Variants in MYT1L observed in about 807,000 individuals in gnomAD.
MYT1L encodes myelin transcription factor 1-like protein.
Under a neutral mutation model 126.7 loss-of-function variants are expected in MYT1L, and 12 were observed. The observed-to-expected ratio is 0.09, with a 90% CI of 0.06 to 0.15. The LOEUF (loss-of-function observed/expected upper bound fraction) is 0.15, where lower values mean the gene tolerates loss of function less well. Among genes scored for constraint, MYT1L ranks in the 10% least tolerant of loss-of-function variants. The pLI is 1.00. For missense variants in MYT1L, 979 were observed against 1,585.2 expected, an observed-to-expected ratio of 0.62 and a Z score of 6.49; for synonymous variants, 541 against 604.2, an observed-to-expected ratio of 0.90 and a Z score of 1.53.
intron 2 of MYT1L, among the ~76,000 whole-genome samples, chr2:2,227,442 A>G (rs770583704): frequency 6.6e-6 from 1 of 152,110 alleles, no homozygotes; most frequent in Admixed American, 6.5e-5. Flanking sequence ...CAGCTGCCAA[A>G]CCAGAAAGGT....
At position 1,938,590 on chromosome 2, in the gene MYT1L, G is replaced by A. The variant is rs79885412; in HGVS notation, c.505+4392C>T. Among the ~76,000 whole-genome samples the A allele has an allele frequency of 2.7e-3, 408 of 152,286 alleles. 12 individuals carry two copies. Among genetic ancestry groups the A allele is most frequent in the East Asian group, 0.013 (66 of 5,180 alleles). On this transcript the variant is annotated intron_variant, in intron 9 of 24. Transcript: ENST00000647738. Reference sequence around the variant, plus strand: ...CCTGTTGTTCAAATAAGCAGAAGGTGATCAGGAGAACACGAGTTCCATTAC... The same window carrying A: ...CCTGTTGTTCAAATAAGCAGAAGGTAATCAGGAGAACACGAGTTCCATTAC...
In MYT1L at chr2:1,790,313, G is replaced by A. The variant is rs2031840842; in HGVS notation, c.*1554C>T. 1 of 152,170 alleles carries A rather than the reference G, an allele frequency of 6.6e-6. No individual in the cohort carries two copies. Among genetic ancestry groups the A allele is most frequent in the South Asian group, 2.1e-4 (1 of 4,814 alleles). 9.4% of individuals were successfully genotyped at this position (152,170 alleles called of 1,614,324 possible). A position where few individuals can be genotyped will look rare whatever the true frequency, so the allele number is the denominator to read the frequency against. Reference sequence around the variant, plus strand: ...CCTGCATAACATCAAGACATGGAAGGAAGAGATGCTACTAAATGGAACTCA... The same window carrying A: ...CCTGCATAACATCAAGACATGGAAGAAAGAGATGCTACTAAATGGAACTCA... On this transcript the variant is annotated 3_prime_UTR_variant, in exon 25 of 25. Coordinates refer to ENST00000647738, the MANE Select transcript of MYT1L (RefSeq NM_001303052.2).
intron 3 of MYT1L, among the ~76,000 whole-genome samples, chr2:2,134,129 C>T (rs1010333840): frequency 7.9e-5 from 12 of 152,272 alleles, no homozygotes; most frequent in Non-Finnish European, 1.5e-4. Flanking sequence ...CATTTGCCCT[C>T]GAGTGCACCC....
intron 18 of MYT1L, among the ~76,000 whole-genome samples, chr2:1,867,230 C>T (rs867298929): frequency 6.6e-6 from 1 of 151,950 alleles, no homozygotes; most frequent in African/African-American, 2.4e-5. Context: ...GTCAGGGAGA[C>T]CTTGGGCGAA....
chr2:2,260,054 C>G (rs993119199), intron 2 of MYT1L, among the ~76,000 whole-genome samples: 1 of 152,170 alleles, frequency 6.6e-6, no homozygotes, highest in Non-Finnish European at 1.5e-5. Context: ...CGTGGCCTGG[C>G]TCCCTCTAAA....
intron 4 of MYT1L, among the ~76,000 whole-genome samples, chr2:2,020,570 T>C (rs1302079045): frequency 1.3e-5 from 2 of 152,248 alleles, no homozygotes; most frequent in East Asian, 3.8e-4. Flanking sequence ...ATGATGTAGC[T>C]ATTTCCTTCA....
intron 5 of MYT1L, among the ~76,000 whole-genome samples, chr2:1,987,389 T>G (rs2061119522): frequency 9.7e-6 from 1 of 102,652 alleles, no homozygotes; most frequent in East Asian, 2.5e-4. Context: ...TTGCTCTAAA[T>G]TTCTCTTGGC....
chr2:2,323,233 AT>A (rs2096200668), intron 1 of MYT1L, among the ~76,000 whole-genome samples: 1 of 152,048 alleles, frequency 6.6e-6, no homozygotes, highest in South Asian at 2.1e-4. Flanking sequence ...TAAACAGAAA[AT>A]TTTCCCCTCC....
At chr2:1,803,485 C>T (rs1050487763) in intron 22 of MYT1L, among the ~76,000 whole-genome samples, 15 of 152,232 alleles carry the variant, frequency 9.9e-5, no homozygotes, top group East Asian at 5.8e-4. Context: ...GCCTATCAGG[C>T]TTTGTTATCT....
At chr2:2,175,764 T>C (rs1310123919) in intron 2 of MYT1L, among the ~76,000 whole-genome samples, 1 of 152,216 alleles carries the variant, frequency 6.6e-6, no homozygotes, top group Admixed American at 6.5e-5. Flanking sequence ...TTGGGATCCA[T>C]AATGGCTGGA....
intron 21 of MYT1L, among the ~76,000 whole-genome samples, chr2:1,836,639 G>A (rs1448136121): frequency 2.0e-5 from 3 of 147,300 alleles, no homozygotes. Flanking sequence ...AATTCCATCA[G>A]CCTGGCCCCA....
At chr2:2,263,552 G>A (rs1399250094) in intron 2 of MYT1L, among the ~76,000 whole-genome samples, 1 of 152,122 alleles carries the variant, frequency 6.6e-6, no homozygotes, top group Non-Finnish European at 1.5e-5. Context: ...AGCATAACTG[G>A]TGCTGGGGTT....
chr2:1,812,948 T>A (rs1442139940), intron 21 of MYT1L, among the ~76,000 whole-genome samples: 1 of 140,296 alleles, frequency 7.1e-6, no homozygotes, highest in Non-Finnish European at 1.5e-5. Flanking sequence ...AGGGCTGGGG[T>A]GAGGGCCTCC....
intron 2 of MYT1L, among the ~76,000 whole-genome samples, chr2:2,273,448 T>C (rs1314412234): frequency 6.6e-6 from 1 of 152,178 alleles, no homozygotes; most frequent in Non-Finnish European, 1.5e-5. Flanking sequence ...TTTGGTAGCT[T>C]TTTAAATGTA....
intron 3 of MYT1L, among the ~76,000 whole-genome samples, chr2:2,119,493 G>A (rs1287929795): frequency 1.3e-5 from 2 of 152,174 alleles, no homozygotes; most frequent in African/African-American, 4.8e-5. Context: ...ACTGAATTAA[G>A]TATTTGAATT....
intron 4 of MYT1L, among the ~76,000 whole-genome samples, chr2:2,027,193 G>A (rs888482991): frequency 1.4e-4 from 22 of 152,230 alleles, no homozygotes; most frequent in Admixed American, 1.4e-3. Context: ...ATCCGAATCC[G>A]GATCCGGATC....
At chr2:1,830,237 C>G (rs184408025) in intron 21 of MYT1L, among the ~76,000 whole-genome samples, 276 of 152,292 alleles carry the variant, frequency 1.8e-3, no homozygotes, top group African/African-American at 6.0e-3. Context: ...TGGACCTGAG[C>G]CCTGGCTCCG....
chr2:1,834,730 G>T (rs1198488265), intron 21 of MYT1L, among the ~76,000 whole-genome samples: 1 of 152,198 alleles, frequency 6.6e-6, no homozygotes, highest in Admixed American at 6.5e-5. Context: ...GGAGACGGAA[G>T]AATTGGAGAG....
intron 2 of MYT1L, among the ~76,000 whole-genome samples, chr2:2,184,668 C>T (rs2091925768): frequency 1.3e-5 from 2 of 152,270 alleles, no homozygotes; most frequent in East Asian, 1.9e-4. Flanking sequence ...TAAGCCTCCC[C>T]GCACCGCACG....
Sources: allele counts gnomAD v4.1 joint callset (sites outside exome capture counted in the v4.1 genomes callset), GRCh38; gene constraint gnomAD v4.1.1; transcripts MANE v1.5; gene names NCBI Gene and HGNC (gene_info 2026-07-23, HGNC 2026-07-21).